NFIA: variants seen among roughly 807,000 people sequenced by gnomAD.
NFIA encodes nuclear factor I A.
A neutral mutation model predicts 62.8 loss-of-function variants in NFIA; 8 were observed. The observed-to-expected ratio is 0.13, with a 90% confidence interval of 0.07 to 0.23. NFIA has a LOEUF of 0.23. Ranked by LOEUF, NFIA falls within the 10% of genes least tolerant of loss-of-function variation. The probability of loss-of-function intolerance (pLI) is 1.00; values close to 1 mark genes in which losing one functional copy is unlikely to be tolerated. For synonymous variants in NFIA, 235 were observed against 238.1 expected (o/e 0.99, Z 0.12); for missense variants, 410 against 642.1 (o/e 0.64, Z 3.91).
intron 2 of NFIA, among the ~76,000 whole-genome samples, chr1:61,217,856 G>C (rs1447283765): frequency 1.3e-5 from 2 of 152,146 alleles, no homozygotes; most frequent in Non-Finnish European, 2.9e-5. Context: ...GGGACTTTGG[G>C]CAGGCTGCTT....
intron 3 of NFIA, among the ~76,000 whole-genome samples, chr1:61,322,094 C>G (rs1660709022): frequency 6.6e-6 from 1 of 152,136 alleles, no homozygotes; most frequent in Admixed American, 6.6e-5. Context: ...CCTAATTTTG[C>G]CACTATCTGT....
intron 10 of NFIA, among the ~76,000 whole-genome samples, chr1:61,429,665 C>T (rs1178881575): frequency 6.6e-6 from 1 of 152,162 alleles, no homozygotes; most frequent in Non-Finnish European, 1.5e-5. Context: ...GGAAGCAACC[C>T]AAGTGTCCAT....
In NFIA at chr1:61,455,719, T is replaced by A. The variant is rs1668274372; in HGVS notation, c.*399T>A. On this transcript the variant is annotated 3_prime_UTR_variant, in exon 11 of 11. Transcript: ENST00000403491. ...GGCTGTTTCACAGTATTTCATGAAT[T>A]TACCCACACAGGTGTGATCCTCCTT... 1 of 260,496 alleles carries A rather than the reference T, an allele frequency of 3.8e-6. No homozygotes were observed. The highest frequency in any genetic ancestry group is 7.2e-6 in the Non-Finnish European group (1 of 139,488). 16.1% of individuals were successfully genotyped at this position (260,496 alleles called of 1,614,324 possible).
Position 61,350,023 on chromosome 1 carries a change from C to G in NFIA, c.701-2427C>G, listed in dbSNP as rs1662464630. On this transcript the variant is annotated intron_variant, in intron 4 of 10. Transcript: ENST00000403491. The stretch of plus-strand genomic sequence containing the variant: ...TGCCCCAGTGGACTCTCTGGTTTGC[C>G]TATTATATTCTTCAGGCGCCCCCCA... 4.6e-5 allele frequency among the ~76,000 whole-genome samples: 7 copies of G among 152,182 alleles called. No individual in the cohort carries two copies. In the South Asian group the frequency reaches 1.4e-3, roughly 32 times the overall value.
intron 2 of NFIA, among the ~76,000 whole-genome samples, chr1:61,213,501 G>A (rs2100606509): frequency 6.6e-6 from 1 of 152,254 alleles, no homozygotes; most frequent in East Asian, 1.9e-4. Context: ...GCAGATGATA[G>A]ATCATTTAAA....
At chr1:61,429,133 A>G (rs1052209567) in intron 10 of NFIA, among the ~76,000 whole-genome samples, 5 of 152,224 alleles carry the variant, frequency 3.3e-5, no homozygotes, top group African/African-American at 9.6e-5. Flanking sequence ...AATTGAACCA[A>G]TGCAGACATT....
intron 2 of NFIA, among the ~76,000 whole-genome samples, chr1:61,257,861 G>GTTTTTTTTTT (rs58077067): frequency 4.7e-5 from 6 of 126,422 alleles, no homozygotes; most frequent in African/African-American, 8.9e-5. Context: ...ATGCTTAGCT[G>GTTTTTTTTTT]TTTTTTTTTT....
intron 2 of NFIA, among the ~76,000 whole-genome samples, chr1:61,171,514 G>A (rs928429970): frequency 7.9e-5 from 12 of 152,066 alleles, no homozygotes; most frequent in African/African-American, 2.7e-4. Context: ...TGCATACTAC[G>A]TTGACTCATT....
chr1:61,196,076 A>G (rs1651968262), intron 2 of NFIA, among the ~76,000 whole-genome samples: 2 of 152,182 alleles, frequency 1.3e-5, no homozygotes, highest in Admixed American at 1.3e-4. Context: ...TTTTAATTTT[A>G]CAAAGAAAAT....
intron 3 of NFIA, among the ~76,000 whole-genome samples, chr1:61,304,050 C>A (rs1428633907): frequency 6.6e-6 from 1 of 151,810 alleles, no homozygotes; most frequent in Non-Finnish European, 1.5e-5. Flanking sequence ...CAAGGTGGGC[C>A]AGATCACTTG....
At chr1:61,089,676 A>G (rs1219369730) in intron 2 of NFIA, among the ~76,000 whole-genome samples, 6 of 148,032 alleles carry the variant, frequency 4.1e-5, no homozygotes, top group Admixed American at 4.0e-4. Flanking sequence ...TGGGGTTCAA[A>G]TATTTAACGT....
chr1:61,254,878 T>C (rs1430084665), intron 2 of NFIA, among the ~76,000 whole-genome samples: 1 of 152,182 alleles, frequency 6.6e-6, no homozygotes, highest in African/African-American at 2.4e-5. Flanking sequence ...GATTGCATAG[T>C]TTGCACACTG....
intron 3 of NFIA, among the ~76,000 whole-genome samples, chr1:61,283,594 A>AAAAAAAG (rs1658293423): frequency 9.1e-6 from 1 of 110,010 alleles, no homozygotes; most frequent in East Asian, 3.0e-4. Context: ...AAAAAAAAAA[A>AAAAAAAG]AAAAAAAAAA....
At chr1:61,130,030 CCTTCTTTGG>C (rs1432970021) in intron 2 of NFIA, among the ~76,000 whole-genome samples, 3 of 151,806 alleles carry the variant, frequency 2.0e-5, no homozygotes, top group Admixed American at 6.6e-5. Context: ...GTAAGAAGAC[CCTTCTTTGG>C]TTTCTTTTTT....
At chr1:61,215,712 T>G (rs1196560274) in intron 2 of NFIA, among the ~76,000 whole-genome samples, 1 of 152,244 alleles carries the variant, frequency 6.6e-6, no homozygotes, top group Non-Finnish European at 1.5e-5. Flanking sequence ...GACCTCTGTT[T>G]TATATTTCCT....
At position 61,082,714 on chromosome 1, in the gene NFIA, C is replaced by A; in HGVS notation, c.-78C>A. On this transcript the variant is annotated 5_prime_UTR_variant, in exon 1 of 11. Coordinates refer to ENST00000403491, the MANE Select transcript of NFIA (RefSeq NM_001134673.4). ...TCTCTCTCTTCCTCTCTCCCTCTTT[C>A]TCCTCTCTCACCCACACTCACGCAC... 6.5e-7 allele frequency: 1 copy of A among 1,547,370 alleles called. No homozygotes were observed. The highest frequency in any genetic ancestry group is 8.7e-7 in the Non-Finnish European group (1 of 1,144,566).
At chr1:61,248,953 A>G (rs756230934) in intron 2 of NFIA, 9 of 152,162 alleles carry the variant, frequency 5.9e-5, no homozygotes, top group Non-Finnish European at 1.0e-4. Flanking sequence ...CATGCATACA[A>G]TTTTGTTTTA....
chr1:61,248,209 C>G (rs1217447661), intron 2 of NFIA, among the ~76,000 whole-genome samples: 1 of 152,140 alleles, frequency 6.6e-6, no homozygotes, highest in Admixed American at 6.5e-5. Flanking sequence ...CATAATTAAC[C>G]ATAATAATGG....
At chr1:61,439,171 C>T (rs1667467416) in intron 10 of NFIA, among the ~76,000 whole-genome samples, 1 of 152,130 alleles carries the variant, frequency 6.6e-6, no homozygotes, top group East Asian at 1.9e-4. Context: ...CAAGCCCCCA[C>T]ACTCTCCAGT....
Sources: gnomAD v4.1 joint callset for allele counts (sites outside exome capture counted in the v4.1 genomes callset) on GRCh38, gnomAD v4.1.1 for gene constraint, MANE v1.5 for transcripts, NCBI Gene and HGNC (gene_info 2026-07-23, HGNC 2026-07-21) for gene names.